Variants in HELZ2 observed in about 807,000 individuals in gnomAD.
HELZ2 encodes the protein 3'-5' exoribonuclease HELZ2.
HELZ2 carries 143 observed loss-of-function variants against 208.8 expected under a neutral mutation model. That is an observed-to-expected ratio of 0.68 (90% CI 0.60 to 0.79). The LOEUF (loss-of-function observed/expected upper bound fraction) is 0.79. Among genes scored for constraint, HELZ2 ranks in the 30% least tolerant of loss-of-function variants. The probability of loss-of-function intolerance (pLI) is 0.00; values close to 1 mark genes in which losing one functional copy is unlikely to be tolerated. For missense variants in HELZ2, 3,690 were observed against 3,794.5 expected (o/e 0.97, Z 0.72); for synonymous variants, 1,705 against 1,693.7 (o/e 1.01, Z -0.16).
At chr20:63,563,520 G>T in exon 8 of HELZ2, 1 of 1,514,080 alleles carries the variant, frequency 6.6e-7, no homozygotes. Flanking sequence ...ACGGGGCAGG[G>T]GTCAGGCAGC....
chr20:63,562,139 G>A lies in HELZ2; in HGVS notation c.6462C>T (p.Asn2154=). 3 of 1,612,456 alleles carry A rather than the reference G, an allele frequency of 1.9e-6. No homozygotes were observed. The South Asian group carries it at 3.3e-5, about 18-fold the overall frequency. The change falls in exon 10 of 19, where the codon AAC becomes AAT. Residue 2154 remains asparagine (N), a synonymous_variant. Coordinates refer to ENST00000467148, the Ensembl canonical transcript of HELZ2. Reference sequence around the variant, plus strand: ...CCCTGACCGCCACGTTCTGGCTGGGGTTCAGCTTGTGGCGGCCTCCGGGGA... The same window carrying A: ...CCCTGACCGCCACGTTCTGGCTGGGATTCAGCTTGTGGCGGCCTCCGGGGA...
At chr20:63,564,900 C>T (rs310631) in exon 8 of HELZ2, 4 of 1,611,858 alleles carry the variant, frequency 2.5e-6, no homozygotes, top group Non-Finnish European at 3.4e-6. Flanking sequence ...GACGGGGGCA[C>T]CCTCAAGCTG....
At chr20:63,558,829 G>A (rs1045011250), downstream of HELZ2, 11 of 154,976 alleles carry the variant, frequency 7.1e-5, no homozygotes, top group Admixed American at 1.3e-4. Flanking sequence ...GAGCCACCAC[G>A]CCCGGCAGGA....
chr20:63,560,358 C>T, intron 16 of HELZ2, 31 bp from the exon 18 acceptor site: 2 of 1,561,540 alleles, frequency 1.3e-6, no homozygotes, highest in Non-Finnish European at 1.7e-6. Flanking sequence ...GTGGAGCGGA[C>T]CCTGGTGTCT....
At chr20:63,569,961 G>A (rs927488230) in intron 3 of HELZ2, among the ~76,000 whole-genome samples, 3 of 152,020 alleles carry the variant, frequency 2.0e-5, no homozygotes, top group Admixed American at 6.6e-5. Context: ...TTTTGTTTTG[G>A]TTTTTGAGAC....
At chr20:63,572,549 A>T, upstream of HELZ2, 1 of 702,002 alleles carries the variant, frequency 1.4e-6, no homozygotes, top group Non-Finnish European at 2.3e-6. Context: ...GTGGGCCAGG[A>T]GGGAGGGGCA....
exon 4 of HELZ2, chr20:63,569,425 G>A (rs769024479): frequency 6.2e-7 from 1 of 1,608,642 alleles, no homozygotes; most frequent in Non-Finnish European, 8.5e-7. Context: ...CCCTGGCCCA[G>A]CTGCAGCCCC....
intron 1 of HELZ2, 136 bp from the exon 3 acceptor site, chr20:63,571,004 C>T: frequency 1.5e-6 from 1 of 676,022 alleles, no homozygotes; most frequent in Non-Finnish European, 2.5e-6. Context: ...TCCTGTGCTC[C>T]CGGGACAAGG....
At chr20:63,566,517 AGG>A (rs2082959396) in intron 6 of HELZ2, 64 bp from the exon 8 acceptor site, 71 of 1,270,480 alleles carry the variant, frequency 5.6e-5, no homozygotes, top group Middle Eastern at 2.7e-4. Context: ...ACCCCCGACA[AGG>A]AGAGGGCACC....
Position 63,561,180 on chromosome 20 carries a change from T to A in HELZ2, c.7048A>T (p.Lys2350Ter). ...AGGATCTGCCTCACGTCCAGGATTT[T>A]GAGGCTGGCAGAGGCTGCACAGGAG... The change falls in exon 14 of 19, where the codon AAA becomes TAA. Residue 2350 changes from lysine to a stop codon, truncating the protein, a stop_gained. Transcript: ENST00000467148. LOFTEE classifies it high-confidence loss of function. The A allele has an allele frequency of 6.2e-7, 1 of 1,613,152 alleles. No individual in the cohort carries two copies. The highest frequency in any genetic ancestry group is 8.5e-7 in the Non-Finnish European group (1 of 1,179,976).
At position 63,568,038 on chromosome 20, in the gene HELZ2, T is replaced by C. The variant is rs6010966; in HGVS notation, c.1730+320A>G. ...ATAAACCAAAGGGGAACCTTGTGGT[T>C]AGGACAAAGATCTGTGTTTCTATAA... is the stretch of plus-strand genomic sequence containing the variant. On this transcript the variant is annotated intron_variant, in intron 5 of 18. Coordinates refer to ENST00000467148, the Ensembl canonical transcript of HELZ2. 588 of 535,424 alleles carry C rather than the reference T, an allele frequency of 1.1e-3. 3 individuals carry two copies. Among genetic ancestry groups the C allele is most frequent in the African/African-American group, 9.7e-3 (508 of 52,620 alleles). 33.2% of individuals were successfully genotyped at this position (535,424 alleles called of 1,614,324 possible).
intron 8 of HELZ2, 51 bp downstream of exon 9, chr20:63,562,468 AG>A: frequency 6.6e-7 from 1 of 1,525,794 alleles, no homozygotes; most frequent in Non-Finnish European, 8.8e-7. Flanking sequence ...CCTGCAAGTG[AG>A]GGGCCCGGGG....
exon 3 of HELZ2, chr20:63,570,515 C>T (rs371306149): frequency 1.2e-5 from 19 of 1,612,978 alleles, no homozygotes; most frequent in East Asian, 2.2e-5. Flanking sequence ...TCAGAGTGGA[C>T]GGCAAACGTC....
At chr20:63,563,251 C>G in exon 8 of HELZ2, 1 of 1,560,350 alleles carries the variant, frequency 6.4e-7, no homozygotes, top group Non-Finnish European at 8.6e-7. Context: ...GCACCAGCTC[C>G]CGCCGCTGGG....
chr20:63,570,334 G>A (rs779218852), intron 3 of HELZ2, 170 bp downstream of exon 4: 2 of 717,520 alleles, frequency 2.8e-6, no homozygotes, highest in Admixed American at 4.0e-5. Context: ...CCTGTCTCTA[G>A]GTGAGGAGAC....
intron 1 of HELZ2, 30 bp from the exon 3 acceptor site, chr20:63,570,898 A>G: frequency 2.0e-5 from 30 of 1,536,314 alleles, no homozygotes; most frequent in Non-Finnish European, 2.7e-5. Context: ...GCAGGGCTAC[A>G]CAGAGGCACA....
At chr20:63,567,957 G>A in intron 5 of HELZ2, 1 of 555,926 alleles carries the variant, frequency 1.8e-6, no homozygotes. Context: ...CACTGGGCAG[G>A]GATGGGAAGG....
chr20:63,571,921 C>T (rs529409092), intron 1 of HELZ2, 187 bp downstream of exon 2: 13 of 502,048 alleles, frequency 2.6e-5, no homozygotes, highest in Non-Finnish European at 4.0e-5. Context: ...TGGGCTCCTG[C>T]GCTACTCCAA....
exon 8 of HELZ2, chr20:63,563,880 C>T (rs1209801372): frequency 8.8e-6 from 14 of 1,597,936 alleles, no homozygotes; most frequent in South Asian, 3.3e-5. Flanking sequence ...GCGCAGCGGC[C>T]GAACGCCGAG....
Sources: allele counts gnomAD v4.1 joint callset (sites outside exome capture counted in the v4.1 genomes callset), GRCh38; gene constraint gnomAD v4.1.1; transcripts MANE v1.5; gene names NCBI Gene and HGNC (gene_info 2026-07-23, HGNC 2026-07-21).